Variants in ANO1 observed in about 807,000 individuals in gnomAD.
ANO1 encodes anoctamin 1.
A neutral mutation model predicts 124.0 loss-of-function variants in ANO1; 59 were observed. The ratio of observed to expected loss-of-function variants is 0.48; its 90% confidence interval spans 0.39 to 0.59. The LOEUF (loss-of-function observed/expected upper bound fraction) is 0.59, where lower values mean the gene tolerates loss of function less well. Ranked by LOEUF, ANO1 falls within the 20% of genes least tolerant of loss-of-function variation. ANO1 has a pLI of 0.00. For missense variants in ANO1, 1,059 were observed against 1,328.0 expected (o/e 0.80, Z 3.15); for synonymous variants, 529 against 532.0 (o/e 0.99, Z 0.08).
At chr11:69,993,509 C>A (rs1856196823) in intron 1 of ANO1, among the ~76,000 whole-genome samples, 1 of 152,196 alleles carries the variant, frequency 6.6e-6, no homozygotes, top group Non-Finnish European at 1.5e-5. Context: ...TTCCTGCTTG[C>A]CAAATTGATC....
upstream of ANO1, among the ~76,000 whole-genome samples, chr11:69,982,594 C>T (rs375004712): frequency 2.0e-5 from 3 of 152,356 alleles, no homozygotes; most frequent in African/African-American, 7.2e-5. Flanking sequence ...CCTATCCCTA[C>T]AGAATTCCAA....
At chr11:70,073,328 A>C (rs4411304), upstream of ANO1, among the ~76,000 whole-genome samples, 119,312 of 152,070 alleles carry the variant, frequency 0.78, 47,087 homozygotes, top group African/African-American at 0.86. Flanking sequence ...ATTTCGTCTA[A>C]ACTTCTTCCC....
In ANO1 at chr11:70,049,190, TGGAAG is replaced by T. The variant is rs1555006022; in HGVS notation, c.59-29351_59-29347del. Among the ~76,000 whole-genome samples, 35 of 152,254 alleles carry T rather than the reference TGGAAG, an allele frequency of 2.3e-4. No individual in the cohort carries two copies. The South Asian group carries it at 7.3e-3, about 32-fold the overall frequency. On this transcript the variant is annotated intron_variant, in intron 1 of 27. Coordinates refer to the ANO1 transcript ENST00000531349. ...CCATGACCCGACATGAAGTGGGAGC[TGGAAG>T]CTCAGCTCCCACCACCAGCGCTTCT... is the stretch of plus-strand genomic sequence containing the variant.
intron 1 of ANO1, among the ~76,000 whole-genome samples, chr11:70,035,083 GCC>G (rs1449336221): frequency 6.6e-6 from 1 of 152,076 alleles, no homozygotes. Context: ...TGGTACCACA[GCC>G]CCTCTTGGCC....
intron 7 of ANO1, among the ~76,000 whole-genome samples, chr11:70,113,140 C>T (rs1339019765): frequency 3.3e-5 from 5 of 151,028 alleles, no homozygotes; most frequent in East Asian, 2.0e-4. Flanking sequence ...CCACCCCAGG[C>T]GGACAGAAGC....
chr11:69,970,177 G>T, the ANO1 span, among the ~76,000 whole-genome samples: 1 of 152,154 alleles, frequency 6.6e-6, no homozygotes, highest in African/African-American at 2.4e-5. Flanking sequence ...AGGAGGGAAG[G>T]CTGGGGGAAG....
At chr11:70,002,037 C>T (rs1427350729) in intron 1 of ANO1, among the ~76,000 whole-genome samples, 2 of 152,132 alleles carry the variant, frequency 1.3e-5, no homozygotes, top group Non-Finnish European at 1.5e-5. Context: ...TACAGAGCAA[C>T]GGTGGTCCCA....
the ANO1 span, among the ~76,000 whole-genome samples, chr11:69,972,732 T>G: frequency 1.3e-5 from 2 of 152,074 alleles, no homozygotes; most frequent in Non-Finnish European, 2.9e-5. Flanking sequence ...GAGTTCGGCA[T>G]GTTGTAAGGC....
chr11:70,189,465 GA>G lies in ANO1; in HGVS notation c.*1463del, dbSNP rs2049280706. 1 of 152,566 alleles carries G rather than the reference GA, an allele frequency of 6.6e-6. No individual in the cohort carries two copies. The highest frequency in any genetic ancestry group is 1.5e-5 in the Non-Finnish European group (1 of 68,014). 9.5% of individuals were successfully genotyped at this position (152,566 alleles called of 1,614,324 possible). ...TATGGAAACCATTTTTTTAAAAAGT[GA>G]ATGTACACAAATCCACAGAGGACTG... On this transcript the variant is annotated 3_prime_UTR_variant, in exon 26 of 26. Coordinates refer to ENST00000355303, the MANE Select transcript of ANO1 (RefSeq NM_018043.7).
chr11:70,147,086 G>A (rs2135602397), intron 11 of ANO1, among the ~76,000 whole-genome samples: 1 of 152,378 alleles, frequency 6.6e-6, no homozygotes, highest in Non-Finnish European at 1.5e-5. Context: ...CGGGTAAACA[G>A]GCCAACTCTG....
intron 22 of ANO1, among the ~76,000 whole-genome samples, chr11:70,175,355 C>T (rs1372114375): frequency 1.3e-5 from 2 of 152,270 alleles, no homozygotes; most frequent in Non-Finnish European, 1.5e-5. Context: ...TTAACCGTAA[C>T]CTTTCCTTGA....
intron 1 of ANO1, among the ~76,000 whole-genome samples, 168 bp from the exon 2 acceptor site, chr11:70,087,584 C>T (rs2044432125): frequency 6.6e-6 from 1 of 152,148 alleles, no homozygotes; most frequent in Admixed American, 6.5e-5. Flanking sequence ...TGCTGTGTTC[C>T]CAGGTGTATC....
intron 1 of ANO1, among the ~76,000 whole-genome samples, chr11:70,020,396 C>T (rs1856780603): frequency 6.6e-6 from 1 of 152,174 alleles, no homozygotes; most frequent in African/African-American, 2.4e-5. Flanking sequence ...ACACTTATGC[C>T]ACCCTCTTGC....
chr11:69,967,144 C>T, the ANO1 span, among the ~76,000 whole-genome samples: 2 of 152,112 alleles, frequency 1.3e-5, no homozygotes, highest in African/African-American at 4.8e-5. Context: ...GAGAACCACA[C>T]GCTGTCTGTA....
At chr11:70,050,934 C>G (rs1004243390) in intron 1 of ANO1, among the ~76,000 whole-genome samples, 2 of 152,212 alleles carry the variant, frequency 1.3e-5, no homozygotes, top group Non-Finnish European at 2.9e-5. Flanking sequence ...TGATGCATGG[C>G]TGACCACCAG....
At chr11:70,035,379 T>A (rs1857077232) in intron 1 of ANO1, among the ~76,000 whole-genome samples, 1 of 149,826 alleles carries the variant, frequency 6.7e-6, no homozygotes, top group Non-Finnish European at 1.5e-5. Context: ...ATTATGACCC[T>A]GCTTTTTTTT....
intron 1 of ANO1, 144 bp from the exon 2 acceptor site, chr11:70,087,608 C>G: frequency 1.4e-6 from 1 of 725,658 alleles, no homozygotes; most frequent in Non-Finnish European, 2.2e-6. Flanking sequence ...GGCCCTAGGA[C>G]AGTGCCTGGC....
At chr11:70,140,956 A>G (rs1184119296) in intron 11 of ANO1, among the ~76,000 whole-genome samples, 1 of 152,072 alleles carries the variant, frequency 6.6e-6, no homozygotes, top group East Asian at 1.9e-4. Flanking sequence ...CTCACTCAAG[A>G]TGGAGTCTCT....
chr11:70,148,749 C>T (rs200226938), intron 11 of ANO1, among the ~76,000 whole-genome samples: 2 of 152,188 alleles, frequency 1.3e-5, no homozygotes, highest in Admixed American at 6.5e-5. Context: ...GGTGCCCACT[C>T]GAGCACCTGT....
Sources: gnomAD v4.1 joint callset for allele counts (sites outside exome capture counted in the v4.1 genomes callset) on GRCh38, gnomAD v4.1.1 for gene constraint, MANE v1.5 for transcripts, NCBI Gene and HGNC (gene_info 2026-07-23, HGNC 2026-07-21) for gene names.